MYCBP2: variants seen among roughly 807,000 people sequenced by gnomAD.
MYCBP2 encodes E3 ubiquitin-protein ligase MYCBP2.
MYCBP2 carries 120 observed loss-of-function variants against 525.3 expected under a neutral mutation model. The observed-to-expected ratio is 0.23, with a 90% CI of 0.20 to 0.27. The LOEUF (loss-of-function observed/expected upper bound fraction) is 0.27. Among genes scored for constraint, MYCBP2 ranks in the 10% least tolerant of loss-of-function variants. The pLI is 1.00. For missense variants in MYCBP2, 4,149 were observed against 5,657.1 expected (o/e 0.73, Z 8.55); for synonymous variants, 1,894 against 1,955.8 (o/e 0.97, Z 0.83).
Position 77,168,556 on chromosome 13 carries a change from T to A in MYCBP2, c.5986A>T (p.Asn1996Tyr). Residue 1996 changes from asparagine to tyrosine, a missense_variant, in exon 40 of 83, where the codon AAT (asparagine) becomes TAT (tyrosine). By Grantham distance (143) the Asn-to-Tyr change is moderately radical. Transcript: ENST00000544440. ...CCTGTGGTGCTATCTGTCGACTGAT[T>A]AGGGTTGAAGGCAGGCGGTGCATAC... The part of the protein sequence containing the change: ...QKYAPPAFNP[N>Y]QSTDSTTGNQ... The A allele has an allele frequency of 6.2e-7, 1 of 1,614,086 alleles. No homozygotes were observed. The highest frequency in any genetic ancestry group is 2.2e-5 in the East Asian group (1 of 44,880).
At chr13:77,197,605 T>C (rs78152703) in intron 26 of MYCBP2, among the ~76,000 whole-genome samples, 8,622 of 152,226 alleles carry the variant, frequency 0.057, 402 homozygotes, top group Admixed American at 0.15. Context: ...AGAGAATGCA[T>C]ATACGAATAT....
At chr13:77,168,795 T>C (rs1033626219) in intron 39 of MYCBP2, 149 bp from the exon 40 acceptor site, 12 of 660,954 alleles carry the variant, frequency 1.8e-5, no homozygotes, top group Middle Eastern at 3.8e-4. Flanking sequence ...AATCTTTCAA[T>C]TGATTAAAAA....
Position 77,185,146 on chromosome 13 carries a change from A to G in MYCBP2, c.4676T>C (p.Leu1559Ser). ...CFHSFYPTPA[L>S]QWACLCDLLN... The stretch of plus-strand genomic sequence containing the variant: ...CAGATCACAAAGGCAAGCCCACTGT[A>G]AGGCAGGAGTTGGGTAGAAAGAATG... The change falls in exon 32 of 83, where the codon TTA becomes TCA. Residue 1559 changes from leucine (L) to serine (S), a missense_variant. Transcript: ENST00000544440. 2 of 1,614,134 alleles carry G rather than the reference A, an allele frequency of 1.2e-6. No homozygotes were observed. The highest frequency in any genetic ancestry group is 1.7e-6 in the Non-Finnish European group (2 of 1,179,982).
intron 55 of MYCBP2, among the ~76,000 whole-genome samples, chr13:77,119,120 A>T (rs1311737714): frequency 6.6e-6 from 1 of 152,216 alleles, no homozygotes; most frequent in African/African-American, 2.4e-5. Flanking sequence ...GTCCTATATG[A>T]CAAAAAGGAT....
chr13:77,235,780 A>G (rs2067827773), intron 17 of MYCBP2, among the ~76,000 whole-genome samples: 1 of 152,188 alleles, frequency 6.6e-6, no homozygotes, highest in South Asian at 2.1e-4. Context: ...AGGCACACAA[A>G]CTAGAGGAGA....
At chr13:77,183,559 T>C (rs2060438034) in intron 32 of MYCBP2, among the ~76,000 whole-genome samples, 1 of 132,008 alleles carries the variant, frequency 7.6e-6, no homozygotes, top group African/African-American at 2.8e-5. Flanking sequence ...TTTTTTTTTT[T>C]TTTTTTTTTT....
At chr13:77,057,342 T>C (rs887386358) in intron 78 of MYCBP2, among the ~76,000 whole-genome samples, 2 of 152,228 alleles carry the variant, frequency 1.3e-5, no homozygotes, top group Admixed American at 6.5e-5. Context: ...ATGCCACTTA[T>C]ATAAAGTAAG....
At chr13:77,121,336 AGTTAG>A (rs758902818) in intron 55 of MYCBP2, 32 bp downstream of exon 55, 56 of 1,451,434 alleles carry the variant, frequency 3.9e-5, no homozygotes, top group Non-Finnish European at 5.0e-5. Context: ...AAAATATTGA[AGTTAG>A]GTAAGTAAAA....
intron 19 of MYCBP2, 55 bp downstream of exon 19, chr13:77,225,378 TAA>T: frequency 6.2e-7 from 1 of 1,604,876 alleles, no homozygotes; most frequent in Non-Finnish European, 8.5e-7. Flanking sequence ...TCTGAAGAAA[TAA>T]GTTACTGAGC....
chr13:77,303,281 G>A (rs907899323), intron 1 of MYCBP2, among the ~76,000 whole-genome samples: 3 of 152,172 alleles, frequency 2.0e-5, no homozygotes, highest in Admixed American at 6.5e-5. Flanking sequence ...TGCAGTGTGC[G>A]TAGATCACAC....
intron 73 of MYCBP2, among the ~76,000 whole-genome samples, chr13:77,064,131 C>T (rs1408939034): frequency 6.6e-6 from 1 of 151,512 alleles, no homozygotes; most frequent in Non-Finnish European, 1.5e-5. Context: ...CAAAGATTTC[C>T]ACCCTGACCC....
chr13:77,199,975 A>C (rs1226104989), intron 26 of MYCBP2, among the ~76,000 whole-genome samples: 4 of 152,248 alleles, frequency 2.6e-5, no homozygotes, highest in Non-Finnish European at 5.9e-5. Flanking sequence ...AACTCTAAAA[A>C]GCAGAGCAAC....
intron 26 of MYCBP2, among the ~76,000 whole-genome samples, chr13:77,201,106 TA>T (rs1247889210): frequency 6.6e-6 from 1 of 152,118 alleles, no homozygotes; most frequent in African/African-American, 2.4e-5. Context: ...GCACATTGGG[TA>T]AAGAGTCAAG....
At chr13:77,160,060 A>G (rs1484000955) in intron 44 of MYCBP2, among the ~76,000 whole-genome samples, 1 of 148,970 alleles carries the variant, frequency 6.7e-6, no homozygotes, top group Admixed American at 6.7e-5. Flanking sequence ...GTTCAAAATC[A>G]CAAACTTTTT....
At chr13:77,141,171 C>T (rs779361006) in intron 49 of MYCBP2, among the ~76,000 whole-genome samples, 10 of 151,984 alleles carry the variant, frequency 6.6e-5, no homozygotes, top group Non-Finnish European at 1.3e-4. Context: ...AGAAGGGGCT[C>T]CCTATCTTTA....
intron 82 of MYCBP2, among the ~76,000 whole-genome samples, chr13:77,050,575 T>C (rs548427125): frequency 1.3e-5 from 2 of 152,032 alleles, no homozygotes; most frequent in Non-Finnish European, 1.5e-5. Context: ...TTTCTGATGC[T>C]CACTACACTA....
chr13:77,098,604 T>G lies in MYCBP2; in HGVS notation c.8550A>C (p.Leu2850=). ...TAACAGGAGCAGTACTTTTTTGAGG[T>G]AGATTTTTATCATGTGGTGAGGAGG... is the stretch of plus-strand genomic sequence containing the variant. ...PRSSSPHDKN[L]PQKSTAPVKT... is the part of the protein sequence containing the mutation. The change falls in exon 56 of 83, where the codon CTA becomes CTC. Residue 2850 remains leucine (L), a synonymous_variant. Coordinates refer to ENST00000544440, the MANE Select transcript of MYCBP2 (RefSeq NM_015057.5). 1 of 1,613,564 alleles carries G rather than the reference T, an allele frequency of 6.2e-7. No homozygotes were observed. The highest frequency in any genetic ancestry group is 8.5e-7 in the Non-Finnish European group (1 of 1,179,762).
chr13:77,091,796 A>C (rs1276739503), intron 59 of MYCBP2, among the ~76,000 whole-genome samples: 1 of 151,968 alleles, frequency 6.6e-6, no homozygotes, highest in East Asian at 1.9e-4. Flanking sequence ...ATCGTAGCTC[A>C]CTGTAACCTC....
chr13:77,174,551 C>T (rs2059430596), intron 36 of MYCBP2, 62 bp from the exon 37 acceptor site: 1 of 1,329,858 alleles, frequency 7.5e-7, no homozygotes, highest in Non-Finnish European at 1.0e-6. Context: ...ATAAAAAGAA[C>T]TCTAGCAGTA....
Sources: gnomAD v4.1 joint callset for allele counts (sites outside exome capture counted in the v4.1 genomes callset) on GRCh38, gnomAD v4.1.1 for gene constraint, MANE v1.5 for transcripts, NCBI Gene and HGNC (gene_info 2026-07-23, HGNC 2026-07-21) for gene names.